The following EHD3 variants were observed in gnomAD, a reference collection of about 807,000 sequenced individuals.
EHD3 encodes the protein EH domain-containing protein 3.
In EHD3, 17 loss-of-function variants were observed where a neutral mutation model predicts 43.0. The ratio of observed to expected loss-of-function variants is 0.40; its 90% CI spans 0.27 to 0.59. The LOEUF (loss-of-function observed/expected upper bound fraction) is 0.59, where lower values mean the gene tolerates loss of function less well. EHD3 is among the 20% of genes least tolerant of loss of function. The pLI is 0.49. For missense variants in EHD3, 594 were observed against 705.6 expected (o/e 0.84, Z 1.79); for synonymous variants, 313 against 289.5 (o/e 1.08, Z -0.82).
rs933074519 is a variant in EHD3, at chr2:31,240,914, C to T, written c.228-3360C>T. The stretch of plus-strand genomic sequence containing the variant: ...CCCTGCTTAGGGCTTCTCATCCACA[C>T]ACTCACTAGGTCAGGTGCCTGGGCA... On this transcript the variant is annotated intron_variant, in intron 1 of 5. Coordinates refer to ENST00000322054, the MANE Select transcript of EHD3 (RefSeq NM_014600.3). Among the ~76,000 whole-genome samples the T allele has an allele frequency of 3.9e-5, 6 of 152,206 alleles. No individual in the cohort carries two copies. The South Asian group carries it at 1.2e-3, about 32-fold the overall frequency.
chr2:31,261,408 T>G, intron 4 of EHD3, 141 bp from the exon 5 acceptor site: 2 of 1,003,494 alleles, frequency 2.0e-6, no homozygotes, highest in Non-Finnish European at 2.9e-6. Context: ...GCCATGAGGG[T>G]AGAGGTAGAA....
At chr2:31,249,317 G>A in intron 2 of EHD3, 54 bp from the exon 3 acceptor site, 6 of 1,519,834 alleles carry the variant, frequency 3.9e-6, no homozygotes, top group Non-Finnish European at 5.5e-6. Flanking sequence ...GAGTCATGCG[G>A]CTAGGTCATG....
intron 2 of EHD3, among the ~76,000 whole-genome samples, chr2:31,244,751 T>C (rs549305288): frequency 3.3e-4 from 51 of 152,296 alleles, no homozygotes; most frequent in African/African-American, 1.2e-3. Context: ...GGATGCTCCA[T>C]ATAGTTCCCA....
chr2:31,264,118 T>C (rs1374225682), intron 5 of EHD3, among the ~76,000 whole-genome samples: 1 of 152,174 alleles, frequency 6.6e-6, no homozygotes, highest in Non-Finnish European at 1.5e-5. Context: ...GTGAACACCA[T>C]AGAATGTATA....
At chr2:31,245,735 G>GTT (rs765195110) in intron 2 of EHD3, among the ~76,000 whole-genome samples, 794 of 68,252 alleles carry the variant, frequency 0.012, 34 homozygotes, top group African/African-American at 0.033. Context: ...CTAATTTTGT[G>GTT]TTTTTTTTTT....
At chr2:31,251,785 A>C (rs1683640643) in intron 3 of EHD3, among the ~76,000 whole-genome samples, 1 of 152,066 alleles carries the variant, frequency 6.6e-6, no homozygotes, top group Non-Finnish European at 1.5e-5. Flanking sequence ...CTCCCTGTTA[A>C]GGGCCCTGTG....
rs1367786810 is a variant in EHD3, at chr2:31,266,478, A to G, written c.1382A>G (p.Lys461Arg). Residue 461 changes from lysine to arginine, a missense_variant, in exon 6 of 6, where the codon AAG becomes AGG. Around this residue, in one of 3 missense-constraint regions of EHD3, gnomAD observed 322 missense variants for 348.0 expected, o/e 0.93. Coordinates refer to ENST00000322054, the MANE Select transcript of EHD3 (RefSeq NM_014600.3). The surrounding 1 kb of genome is among the most constrained non-coding windows in gnomAD (Gnocchi z 5.1). ...IFYTLSPVDG[K>R]ITGANAKKEM... is the part of the protein sequence containing the mutation. ...TACACCCTGTCACCGGTGGATGGCA[A>G]GATCACAGGCGCTAATGCCAAGAAG... 1.9e-6 allele frequency: 3 copies of G among 1,614,064 alleles called. No individual in the cohort carries two copies. Among genetic ancestry groups the G allele is most frequent in the Admixed American group, 1.7e-5 (1 of 60,012 alleles).
At chr2:31,251,277 A>G (rs1471640919) in intron 3 of EHD3, among the ~76,000 whole-genome samples, 1 of 152,110 alleles carries the variant, frequency 6.6e-6, no homozygotes, top group Non-Finnish European at 1.5e-5. Context: ...TTGAGGCTAC[A>G]CTATGCCTGT....
At chr2:31,249,092 G>A (rs1018663119) in intron 2 of EHD3, among the ~76,000 whole-genome samples, 12 of 152,314 alleles carry the variant, frequency 7.9e-5, no homozygotes, top group Admixed American at 4.6e-4. Flanking sequence ...ACCCAATGTC[G>A]CTATGGAGTA....
intron 5 of EHD3, among the ~76,000 whole-genome samples, chr2:31,263,576 G>A (rs1434540386): frequency 6.6e-6 from 1 of 152,156 alleles, no homozygotes; most frequent in Non-Finnish European, 1.5e-5. Flanking sequence ...AGAGGTGGGA[G>A]GACCTTGGGA....
At chr2:31,251,162 G>A (rs1683627164) in intron 3 of EHD3, among the ~76,000 whole-genome samples, 2 of 152,222 alleles carry the variant, frequency 1.3e-5, no homozygotes, top group African/African-American at 4.8e-5. Flanking sequence ...TGCCAGACCT[G>A]GGCTTCTGTC....
chr2:31,242,964 TAATA>T (rs530776564), intron 1 of EHD3, among the ~76,000 whole-genome samples: 7 of 149,396 alleles, frequency 4.7e-5, no homozygotes, highest in African/African-American at 7.4e-5. Context: ...CCGTCTCAAA[TAATA>T]AATAAATAAA....
At chr2:31,264,603 C>T (rs866836455) in intron 5 of EHD3, among the ~76,000 whole-genome samples, 1 of 135,110 alleles carries the variant, frequency 7.4e-6, no homozygotes, top group Non-Finnish European at 1.5e-5. Context: ...GGCGCGATCT[C>T]GGCTCACTGC....
intron 1 of EHD3, among the ~76,000 whole-genome samples, chr2:31,241,157 C>T (rs926005268): frequency 6.6e-6 from 1 of 152,222 alleles, no homozygotes; most frequent in Non-Finnish European, 1.5e-5. Context: ...GAGTACACTC[C>T]TGCGTTTGTG....
rs116733156 is a variant in EHD3 at position 31,234,426 on chromosome 2, G to C, written c.-196G>C. On this transcript the variant is annotated 5_prime_UTR_variant, in exon 1 of 6. Transcript: ENST00000322054. Reference sequence around the variant, plus strand: ...TGGGCTGCTGGATGCAGCAGCGGCTGGGCTTGGTCCCAGGAGCAGGGAGAG... The same window carrying C: ...TGGGCTGCTGGATGCAGCAGCGGCTCGGCTTGGTCCCAGGAGCAGGGAGAG... 3.3e-6 allele frequency: 2 copies of C among 602,404 alleles called. No homozygotes were observed. The highest frequency in any genetic ancestry group is 5.7e-5 in the East Asian group (2 of 35,068). The allele number at this position is 602,404 out of a possible 1,614,324, so 37.3% of individuals were successfully genotyped here.
intron 1 of EHD3, among the ~76,000 whole-genome samples, chr2:31,235,600 C>T (rs1214660835): frequency 6.6e-6 from 1 of 152,192 alleles, no homozygotes; most frequent in Non-Finnish European, 1.5e-5. Context: ...ATGAATTGTG[C>T]AGAGCCATCT....
intron 1 of EHD3, among the ~76,000 whole-genome samples, chr2:31,242,899 G>A (rs1002332315): frequency 1.3e-5 from 2 of 152,088 alleles, no homozygotes; most frequent in Middle Eastern, 3.2e-3. Flanking sequence ...GGCGGAGGTT[G>A]CAGTGAGCTG....
intron 5 of EHD3, among the ~76,000 whole-genome samples, chr2:31,263,965 A>T (rs1683897816): frequency 6.6e-6 from 1 of 152,208 alleles, no homozygotes; most frequent in Non-Finnish European, 1.5e-5. Context: ...TTGTCATGTG[A>T]AGGCAAGAGG....
In EHD3 at chr2:31,266,116, A is replaced by T. The variant is rs1417732104; in HGVS notation, c.1081-61A>T. The T allele has an allele frequency of 1.3e-6, 2 of 1,538,574 alleles. No individual in the cohort carries two copies. The highest frequency in any genetic ancestry group is 1.8e-6 in the Non-Finnish European group (2 of 1,140,270). On this transcript the variant is annotated intron_variant, in intron 5 of 5. Transcript: ENST00000322054. This position sits in a 1 kb window ranked among gnomAD's most constrained non-coding sequence, Gnocchi z 5.1. Reference sequence around the variant, plus strand: ...TTCTGGTGCTCATAGGAGGCACGTGATAAATGGAGGGCTCTCCTTTCATCG... The same window carrying T: ...TTCTGGTGCTCATAGGAGGCACGTGTTAAATGGAGGGCTCTCCTTTCATCG...
Sources: gnomAD v4.1 joint callset for allele counts (sites outside exome capture counted in the v4.1 genomes callset) on GRCh38, gnomAD v4.1.1 for gene constraint, gnomAD v4.1.1 regional missense constraint, Gnocchi (gnomAD v3.1) non-coding constraint, MANE v1.5 for transcripts, NCBI Gene and HGNC (gene_info 2026-07-23, HGNC 2026-07-21) for gene names.